The following ADAMTS3 variants were observed in gnomAD, a reference collection of about 807,000 sequenced individuals.
The protein encoded by ADAMTS3 is A disintegrin and metalloproteinase with thrombospondin motifs 3.
A neutral mutation model predicts 129.0 loss-of-function variants in ADAMTS3; 73 were observed. The ratio of observed to expected loss-of-function variants is 0.57; its 90% CI spans 0.47 to 0.69. ADAMTS3 has a LOEUF of 0.69. Among genes scored for constraint, ADAMTS3 ranks in the 30% least tolerant of loss-of-function variants. The pLI, the probability that ADAMTS3 is intolerant of heterozygous loss-of-function variation, is 0.00. For synonymous variants in ADAMTS3, 477 were observed against 510.8 expected (o/e 0.93, Z 0.89); for missense variants, 1,457 against 1,514.5 (o/e 0.96, Z 0.63).
Position 72,529,031 on chromosome 4 carries a change from A to T in ADAMTS3, c.504+19447T>A, listed in dbSNP as rs1372165431. On this transcript the variant is annotated intron_variant, in intron 3 of 21. Transcript: ENST00000286657. ...AATCAGGGTTTCTGCTTTAGCTAGA[A>T]TGGTCAGGAAAATCCTTTCTGAGGA... Among the ~76,000 whole-genome samples, 3 of 152,278 alleles carry T rather than the reference A, an allele frequency of 2.0e-5. 1 individual carries two copies. In the East Asian group the frequency reaches 5.8e-4, roughly 29 times the overall value.
In ADAMTS3 at chr4:72,569,012, G is replaced by C. The variant is rs778003743; in HGVS notation, c.-250C>G. 4.7e-5 allele frequency: 26 copies of C among 554,840 alleles called. No homozygotes were observed. The highest frequency in any genetic ancestry group is 8.0e-5 in the Non-Finnish European group (25 of 311,548). 34.4% of individuals were successfully genotyped at this position (554,840 alleles called of 1,614,324 possible). A position where few individuals can be genotyped will look rare whatever the true frequency, so the allele number is the denominator to read the frequency against. On this transcript the variant is annotated 5_prime_UTR_variant, in exon 1 of 22. Transcript: ENST00000286657. ...CTCCCAACACAGAGTGTGCAGGAGC[G>C]AGAAGGTGCTGTAAGCGGGCACAGG...
intron 1 of ADAMTS3, among the ~76,000 whole-genome samples, chr4:72,568,271 G>C (rs1337565032): frequency 1.3e-5 from 2 of 152,134 alleles, no homozygotes; most frequent in Admixed American, 6.5e-5. Context: ...AGGAGAGAAA[G>C]CTCCAGGAAC....
Position 72,542,114 on chromosome 4 carries a change from T to C in ADAMTS3, c.504+6364A>G, listed in dbSNP as rs777281582. 4.6e-5 allele frequency among the ~76,000 whole-genome samples: 7 copies of C among 152,300 alleles called. No homozygotes were observed. In the South Asian group the frequency reaches 6.2e-4, roughly 14 times the overall value. On this transcript the variant is annotated intron_variant, in intron 3 of 21. Transcript: ENST00000286657. ...CAAACTAATACATGTAAAATACATG[T>C]CTCATCCTAAGAAGTACTAAACAAA...
At chr4:72,417,753 AC>A (rs1207501990) in intron 3 of ADAMTS3, among the ~76,000 whole-genome samples, 9 of 151,690 alleles carry the variant, frequency 5.9e-5, no homozygotes, top group Admixed American at 3.9e-4. Context: ...ACACGGTGAA[AC>A]CCTGTCTCTA....
At chr4:72,348,034 A>C (rs145264101) in intron 4 of ADAMTS3, among the ~76,000 whole-genome samples, 1 of 152,228 alleles carries the variant, frequency 6.6e-6, no homozygotes, top group African/African-American at 2.4e-5. Context: ...AATGTAAATA[A>C]GTCATTATAG....
rs1376506012 is a variant in ADAMTS3, at chr4:72,283,406, A to G, written c.3348T>C (p.Ala1116=). 6 of 1,613,838 alleles carry G rather than the reference A, an allele frequency of 3.7e-6. No homozygotes were observed. In the East Asian group the frequency reaches 1.1e-4, roughly 30 times the overall value. ...ISSVGGPNAY[A]AFRPNSKPDG... is the part of the protein sequence containing the mutation. ...CAGGTTTACTGTTTGGCCTGAAAGC[A>G]GCATATGCATTTGGACCTCCCACTG... The change falls in exon 22 of 22, where the codon GCT becomes GCC. Residue 1116 remains alanine, a synonymous_variant. Transcript: ENST00000286657.
chr4:72,401,245 G>C (rs1185669817), intron 4 of ADAMTS3, among the ~76,000 whole-genome samples: 2 of 151,728 alleles, frequency 1.3e-5, no homozygotes, highest in Non-Finnish European at 2.9e-5. Context: ...AATGATGCCA[G>C]GGTTGAGCAG....
intron 3 of ADAMTS3, among the ~76,000 whole-genome samples, chr4:72,484,850 A>G (rs1401665099): frequency 6.6e-6 from 1 of 152,198 alleles, no homozygotes; most frequent in Non-Finnish European, 1.5e-5. Context: ...TAGATTTTTT[A>G]AAGTATAAGA....
At chr4:72,301,639 T>A (rs1203837584) in intron 17 of ADAMTS3, among the ~76,000 whole-genome samples, 4 of 151,822 alleles carry the variant, frequency 2.6e-5, no homozygotes, top group Non-Finnish European at 5.9e-5. Flanking sequence ...TCTGCTTTCA[T>A]CCATGAGGGA....
intron 13 of ADAMTS3, 170 bp downstream of exon 13, chr4:72,312,121 G>C (rs1370384351): frequency 1.6e-6 from 1 of 632,264 alleles, no homozygotes; most frequent in Non-Finnish European, 2.7e-6. Context: ...CCTCTTTAGA[G>C]AAAGGGTATT....
chr4:72,519,829 C>T (rs1232260814), intron 3 of ADAMTS3, among the ~76,000 whole-genome samples: 1 of 152,236 alleles, frequency 6.6e-6, no homozygotes, highest in East Asian at 1.9e-4. Context: ...AAGCCTTCTT[C>T]TCTCAACTCA....
chr4:72,486,258 C>T (rs1029705866), intron 3 of ADAMTS3, among the ~76,000 whole-genome samples: 7 of 152,168 alleles, frequency 4.6e-5, no homozygotes, highest in Non-Finnish European at 1.0e-4. Context: ...CTAGATGGCA[C>T]AGCCAAGCTT....
intron 3 of ADAMTS3, among the ~76,000 whole-genome samples, chr4:72,515,607 T>A (rs1235933132): frequency 6.6e-6 from 1 of 151,270 alleles, no homozygotes; most frequent in African/African-American, 2.4e-5. Flanking sequence ...CATTTTTTCA[T>A]GTGTCTTTTG....
At chr4:72,512,342 A>G (rs959357088) in intron 3 of ADAMTS3, among the ~76,000 whole-genome samples, 1 of 151,846 alleles carries the variant, frequency 6.6e-6, no homozygotes, top group Non-Finnish European at 1.5e-5. Context: ...AAATACAAAA[A>G]CTAGCCAGGG....
intron 4 of ADAMTS3, among the ~76,000 whole-genome samples, chr4:72,405,451 T>A (rs563249275): frequency 1.5e-4 from 23 of 151,980 alleles, no homozygotes; most frequent in Non-Finnish European, 2.2e-4. Flanking sequence ...AAGTAATATT[T>A]AAAAAAAACA....
chr4:72,421,327 G>T lies in ADAMTS3; in HGVS notation c.505-6356C>A, dbSNP rs115920967. ...CTAGGTGATTGCCTGGCCCAATTCA[G>T]TATATAAGCTTCACATGGGCATGGG... On this transcript the variant is annotated intron_variant, in intron 3 of 21. Transcript: ENST00000286657. Among the ~76,000 whole-genome samples, 1,060 of 152,274 alleles carry T rather than the reference G, an allele frequency of 7.0e-3. 7 individuals are homozygous for T. The highest frequency in any genetic ancestry group is 0.024 in the African/African-American group (1,004 of 41,558).
At chr4:72,515,911 C>T (rs1720459228) in intron 3 of ADAMTS3, among the ~76,000 whole-genome samples, 2 of 152,188 alleles carry the variant, frequency 1.3e-5, no homozygotes. Flanking sequence ...AGTCCTTGTG[C>T]ATGCCTATGT....
At chr4:72,286,149 AAAG>A (rs1386167179) in intron 21 of ADAMTS3, among the ~76,000 whole-genome samples, 1 of 152,218 alleles carries the variant, frequency 6.6e-6, no homozygotes, top group Non-Finnish European at 1.5e-5. Context: ...TCTTCTGGCT[AAAG>A]AAGGAGAATC....
chr4:72,425,017 T>C (rs2109938336), intron 3 of ADAMTS3, among the ~76,000 whole-genome samples: 1 of 152,268 alleles, frequency 6.6e-6, no homozygotes, highest in Admixed American at 6.5e-5. Context: ...GAATGACATA[T>C]AAGTCCTATA....
Sources: allele counts gnomAD v4.1 joint callset (sites outside exome capture counted in the v4.1 genomes callset), GRCh38; gene constraint gnomAD v4.1.1; transcripts MANE v1.5; gene names NCBI Gene and HGNC (gene_info 2026-07-23, HGNC 2026-07-21).